Variants in WDPCP observed in about 807,000 individuals in gnomAD.
WDPCP encodes WD repeat-containing and planar cell polarity effector protein fritz homolog.
Under a neutral mutation model 93.1 loss-of-function variants are expected in WDPCP, and 71 were observed. The ratio of observed to expected loss-of-function variants is 0.76; its 90% CI spans 0.63 to 0.93. The LOEUF (loss-of-function observed/expected upper bound fraction) is 0.93, where lower values mean the gene tolerates loss of function less well. Among genes scored for constraint, WDPCP ranks in the 40% least tolerant of loss-of-function variants. The pLI is 0.00. For synonymous variants in WDPCP, 315 were observed against 315.0 expected (o/e 1.00, Z 0.00); for missense variants, 844 against 887.4 (o/e 0.95, Z 0.62).
chr2:63,834,116 A>G, the WDPCP span, among the ~76,000 whole-genome samples: 1 of 152,068 alleles, frequency 6.6e-6, no homozygotes, highest in East Asian at 1.9e-4. Flanking sequence ...TTTTTCTTTC[A>G]TTATCCTATT....
intron 14 of WDPCP, among the ~76,000 whole-genome samples, chr2:63,215,492 A>C (rs1677243985): frequency 6.6e-6 from 1 of 152,222 alleles, no homozygotes; most frequent in Non-Finnish European, 1.5e-5. Flanking sequence ...GTGCTGGGAA[A>C]ACTGGCTAGC....
At chr2:63,244,728 T>A (rs945255292) in intron 14 of WDPCP, among the ~76,000 whole-genome samples, 1 of 152,158 alleles carries the variant, frequency 6.6e-6, no homozygotes, top group African/African-American at 2.4e-5. Flanking sequence ...TAATTTTTAA[T>A]AAGTCCAGCT....
At chr2:63,785,946 C>A (rs926434419) in intron 2 of WDPCP, among the ~76,000 whole-genome samples, 34 of 152,164 alleles carry the variant, frequency 2.2e-4, no homozygotes, top group Admixed American at 3.9e-4. Flanking sequence ...ACAAGATTAA[C>A]CACACTGACA....
At chr2:63,366,984 T>C (rs1408725634) in intron 12 of WDPCP, among the ~76,000 whole-genome samples, 2 of 151,950 alleles carry the variant, frequency 1.3e-5, no homozygotes, top group Non-Finnish European at 2.9e-5. Context: ...TGTGATCATG[T>C]TTATAAAGCC....
At chr2:63,479,045 G>T (rs976694205) in intron 6 of WDPCP, among the ~76,000 whole-genome samples, 9 of 151,232 alleles carry the variant, frequency 6.0e-5, no homozygotes, top group African/African-American at 1.9e-4. Context: ...AATCATTCAA[G>T]GCTACTATGA....
chr2:63,268,852 C>G (rs1310133345), intron 13 of WDPCP, among the ~76,000 whole-genome samples: 1 of 152,018 alleles, frequency 6.6e-6, no homozygotes, highest in Non-Finnish European at 1.5e-5. Context: ...TGAATTAGCT[C>G]AAGGGAATCT....
rs950121468 is a variant in WDPCP, at chr2:63,282,030, A to C, written c.1813-22621T>G. Among the ~76,000 whole-genome samples, 3 of 152,356 alleles carry C rather than the reference A, an allele frequency of 2.0e-5. No homozygotes were observed. The South Asian group carries it at 6.2e-4, about 32-fold the overall frequency. The stretch of plus-strand genomic sequence containing the variant: ...CCAAAGCAATCTACAGATTCACTGC[A>C]ATCCTTATCAAAATATCAATGACAT... On this transcript the variant is annotated intron_variant, in intron 13 of 17. Coordinates refer to ENST00000272321, the MANE Select transcript of WDPCP (RefSeq NM_015910.7).
At chr2:63,266,974 G>GA (rs1682186138) in intron 13 of WDPCP, among the ~76,000 whole-genome samples, 1 of 151,534 alleles carries the variant, frequency 6.6e-6, no homozygotes, top group Non-Finnish European at 1.5e-5. Context: ...TAGCAAAATA[G>GA]AAAAAACAGT....
At chr2:63,475,580 T>C (rs956204003) in intron 6 of WDPCP, among the ~76,000 whole-genome samples, 10 of 152,108 alleles carry the variant, frequency 6.6e-5, no homozygotes, top group Admixed American at 1.3e-4. Context: ...TAAAGATGGG[T>C]TTCTTGTTGA....
intron 17 of WDPCP, among the ~76,000 whole-genome samples, chr2:63,145,992 G>T (rs1671472372): frequency 6.6e-6 from 1 of 152,154 alleles, no homozygotes; most frequent in African/African-American, 2.4e-5. Context: ...TTGTGTTCCT[G>T]ATTTGGCTCT....
chr2:63,786,948 A>G (rs533438815), intron 2 of WDPCP, among the ~76,000 whole-genome samples: 1 of 152,322 alleles, frequency 6.6e-6, no homozygotes, highest in Admixed American at 6.5e-5. Context: ...TAGTCAGTCA[A>G]TAAATATATG....
chr2:63,802,749 A>T (rs1670715129), intron 2 of WDPCP, among the ~76,000 whole-genome samples: 1 of 152,220 alleles, frequency 6.6e-6, no homozygotes. Flanking sequence ...AAAAAAAGAC[A>T]CATAGAGATG....
intron 15 of WDPCP, among the ~76,000 whole-genome samples, chr2:63,154,416 T>A (rs1020549063): frequency 6.6e-6 from 1 of 152,172 alleles, no homozygotes; most frequent in African/African-American, 2.4e-5. Flanking sequence ...TAAACTTTTG[T>A]GACTGACTTC....
intron 1 of WDPCP, among the ~76,000 whole-genome samples, chr2:63,827,154 C>T (rs1382018905): frequency 1.3e-5 from 2 of 151,860 alleles, no homozygotes; most frequent in East Asian, 3.9e-4. Flanking sequence ...TCAATAAACC[C>T]AAAAAAATGA....
chr2:63,612,161 T>C (rs1233558194), intron 3 of WDPCP, among the ~76,000 whole-genome samples: 1 of 152,212 alleles, frequency 6.6e-6, no homozygotes, highest in Non-Finnish European at 1.5e-5. Flanking sequence ...GACCAACTCA[T>C]GGGCTTGGAA....
chr2:63,125,342 T>A (rs896742556), intron 17 of WDPCP, among the ~76,000 whole-genome samples: 3 of 152,236 alleles, frequency 2.0e-5, no homozygotes, highest in East Asian at 1.9e-4. Flanking sequence ...TCCACAGGAA[T>A]GCCTTTAGTG....
intron 10 of WDPCP, among the ~76,000 whole-genome samples, chr2:63,393,988 A>C (rs773512852): frequency 2.2e-4 from 34 of 152,226 alleles, no homozygotes; most frequent in Non-Finnish European, 4.7e-4. Flanking sequence ...AACCTAGGAA[A>C]TACCATTTGG....
intron 13 of WDPCP, among the ~76,000 whole-genome samples, chr2:63,270,738 G>A (rs1325373360): frequency 1.3e-5 from 2 of 152,136 alleles, no homozygotes; most frequent in African/African-American, 4.8e-5. Context: ...AGGTTTATAA[G>A]CAGTCTGCTC....
chr2:63,764,984 G>T (rs745373384), intron 2 of WDPCP, among the ~76,000 whole-genome samples: 47 of 152,170 alleles, frequency 3.1e-4, no homozygotes, highest in Non-Finnish European at 5.6e-4. Context: ...CTAGGCTAAG[G>T]TAGCTTTTCC....
Sources: gnomAD v4.1 joint callset for allele counts (sites outside exome capture counted in the v4.1 genomes callset) on GRCh38, gnomAD v4.1.1 for gene constraint, MANE v1.5 for transcripts, NCBI Gene and HGNC (gene_info 2026-07-23, HGNC 2026-07-21) for gene names.